The following CCAR2 variants were observed in gnomAD, a reference collection of about 807,000 sequenced individuals.
CCAR2 encodes cell cycle and apoptosis regulator protein 2.
A neutral mutation model predicts 108.1 loss-of-function variants in CCAR2; 21 were observed. That is an observed-to-expected ratio of 0.19 (90% CI 0.14 to 0.28). The LOEUF (loss-of-function observed/expected upper bound fraction) is 0.28. Ranked by LOEUF, CCAR2 falls within the 10% of genes least tolerant of loss-of-function variation. The pLI, the probability that CCAR2 is intolerant of heterozygous loss-of-function variation, is 1.00. For synonymous variants in CCAR2, 577 were observed against 472.8 expected (o/e 1.22, Z -2.86); for missense variants, 1,126 against 1,177.0 (o/e 0.96, Z 0.63).
chr8:22,616,304 A>G, intron 14 of CCAR2, 56 bp downstream of exon 14: 1 of 1,533,828 alleles, frequency 6.5e-7, no homozygotes, highest in African/African-American at 1.4e-5. Context: ...GCGCACCTTT[A>G]CCCCGGGCTC....
intron 1 of CCAR2, 113 bp downstream of exon 1, chr8:22,604,955 G>A (rs1801006607): frequency 2.9e-6 from 1 of 344,164 alleles, no homozygotes; most frequent in Non-Finnish European, 5.6e-6. Context: ...GGAAGGGGCC[G>A]AGCCCCTCTT....
chr8:22,621,480 C>A (rs757867694), downstream of CCAR2: 2 of 1,613,768 alleles, frequency 1.2e-6, no homozygotes, highest in Non-Finnish European at 8.5e-7. Context: ...CTCGTTCTCC[C>A]GCTCCCGCTG....
At chr8:22,606,463 C>T (rs1171016637) in intron 3 of CCAR2, 144 bp from the exon 4 acceptor site, 11 of 688,794 alleles carry the variant, frequency 1.6e-5, no homozygotes, top group Middle Eastern at 3.9e-4. Context: ...TGGAGTATGC[C>T]CACCACACCT....
rs147651545 is a variant in CCAR2 at position 22,615,903 on chromosome 8, C to T, written c.1599C>T (p.Ile533=). ...IVEDRRPKER[I]SFEVMVLAEL... is the part of the protein sequence containing the mutation. ...AGGATCGGAGGCCAAAGGAAAGGAT[C>T]TCTTTTGAGGCAGGTGTCAAGAGTC... is the stretch of plus-strand genomic sequence containing the variant. Residue 533 remains isoleucine (I), a synonymous_variant, in exon 13 of 21, where the codon ATC becomes ATT. Transcript: ENST00000308511. 6.2e-7 allele frequency: 1 copy of T among 1,614,030 alleles called. No individual in the cohort carries two copies. The highest frequency in any genetic ancestry group is 8.5e-7 in the Non-Finnish European group (1 of 1,180,012).
At position 22,618,384 on chromosome 8, in the gene CCAR2, A is replaced by T; in HGVS notation, c.2109A>T (p.Leu703Phe). The T allele has an allele frequency of 6.2e-7, 1 of 1,614,148 alleles. No homozygotes were observed. Among genetic ancestry groups the T allele is most frequent in the South Asian group, 1.1e-5 (1 of 91,082 alleles). The change falls in exon 17 of 21, where the codon TTA (leucine) becomes TTT (phenylalanine). Residue 703 changes from leucine to phenylalanine, a missense_variant. By Grantham distance (22) the Leu-to-Phe change is conservative. This residue lies in a region of CCAR2 where 1,013 missense variants were observed against 993.9 expected (regional missense o/e 1.02). Transcript: ENST00000308511. ...KELDPSAVLP[L>F]DCLLAFVFFD... is the part of the protein sequence containing the mutation. ...TGGATCCCTCTGCTGTGCTCCCCTT[A>T]GACTGTCTGCTTGCTTTTGTGTTCT...
In CCAR2 at chr8:22,616,866, C is replaced by CTTTTTTTTTTTTTTTTTTTTT. The variant is rs36086286; in HGVS notation, c.1846-544_1846-524dup. On this transcript the variant is annotated intron_variant, in intron 14 of 20. Coordinates refer to ENST00000308511, the MANE Select transcript of CCAR2 (RefSeq NM_001393997.1). ...AAACCTTTTCTAAAATACTAGTCTG[C>CTTTTTTTTTTTTTTTTTTTTT]TTTTTTTTTTTTTTTTTTTTTTTTT... Among the ~76,000 whole-genome samples, 2 of 54,716 alleles carry CTTTTTTTTTTTTTTTTTTTTT rather than the reference C, an allele frequency of 3.7e-5. 1 individual carries two copies. Among genetic ancestry groups the CTTTTTTTTTTTTTTTTTTTTT allele is most frequent in the East Asian group, 1.3e-3 (2 of 1,552 alleles). The allele number at this position is 54,716 out of a possible 152,430, so 35.9% of individuals were successfully genotyped here. A position where few individuals can be genotyped will look rare whatever the true frequency, so the allele number is the denominator to read the frequency against.
rs888277730 is a variant in CCAR2, at chr8:22,619,858, G to A, written c.*176G>A. 1.6e-6 allele frequency: 1 copy of A among 638,854 alleles called. No individual in the cohort carries two copies. Among genetic ancestry groups the A allele is most frequent in the Non-Finnish European group, 2.7e-6 (1 of 365,726 alleles). The allele number at this position is 638,854 out of a possible 1,614,324, so 39.6% of individuals were successfully genotyped here. A position where few individuals can be genotyped will look rare whatever the true frequency, so the allele number is the denominator to read the frequency against. ...CATCAGGCTGGGGGCTGTGCTATGT[G>A]GGATGGATGTGTGAGGAACCCCGGT... is the stretch of plus-strand genomic sequence containing the variant. On this transcript the variant is annotated 3_prime_UTR_variant, in exon 21 of 21. Transcript: ENST00000308511.
In CCAR2 at chr8:22,617,900, G is replaced by C. The variant is rs1003396238; in HGVS notation, c.2073+122G>C. 3.9e-6 allele frequency: 4 copies of C among 1,021,046 alleles called. No individual in the cohort carries two copies. The African/African-American group carries it at 6.4e-5, about 16-fold the overall frequency. The allele number at this position is 1,021,046 out of a possible 1,614,324, so 63.2% of individuals were successfully genotyped here. On this transcript the variant is annotated intron_variant, in intron 16 of 20. Transcript: ENST00000308511. ...CCTTTCTTGATGGACCCAACACACA[G>C]TGTGGTCCTTGGCTCATGGAAGGGC... is the stretch of plus-strand genomic sequence containing the variant.
At chr8:22,617,311 T>TA in intron 14 of CCAR2, 109 bp from the exon 15 acceptor site, 1 of 1,295,744 alleles carries the variant, frequency 7.7e-7, no homozygotes, top group East Asian at 2.4e-5. Flanking sequence ...TGTAGAGCCC[T>TA]CCATACAGTG....
At chr8:22,613,776 C>A (rs532218190) in intron 8 of CCAR2, 2 of 325,018 alleles carry the variant, frequency 6.2e-6, no homozygotes, top group East Asian at 1.3e-4. Context: ...TCTTAAGAAC[C>A]TATTGATGTC....
In CCAR2 at chr8:22,616,235, C is replaced by T. The variant is rs760205992; in HGVS notation, c.1832C>T (p.Ser611Leu). 14 of 1,612,596 alleles carry T rather than the reference C, an allele frequency of 8.7e-6. No individual in the cohort carries two copies. The Admixed American group carries it at 2.2e-4, about 25-fold the overall frequency. Reference protein sequence around the residue: ...EAQNEGPATESEAPLKEDGLL... With the variant: ...EAQNEGPATELEAPLKEDGLL... ...CAGAATGAGGGCCCGGCTACAGAGTCAGAGGCCCCGCTGGTGAGTACCCTG... is the reference window on the plus strand; with the variant it reads ...CAGAATGAGGGCCCGGCTACAGAGTTAGAGGCCCCGCTGGTGAGTACCCTG... Residue 611 changes from serine to leucine, a missense_variant, in exon 14 of 21, where the codon TCA (serine) becomes TTA (leucine). Physicochemically the swap from Ser to Leu is moderately radical, Grantham distance 145. Coordinates refer to ENST00000308511, the MANE Select transcript of CCAR2 (RefSeq NM_001393997.1).
intron 6 of CCAR2, 126 bp from the exon 7 acceptor site, chr8:22,607,843 C>T (rs1205629874): frequency 2.8e-6 from 2 of 715,854 alleles, no homozygotes; most frequent in South Asian, 1.8e-5. Context: ...CCAGGCTAGT[C>T]TTGAACTCCT....
chr8:22,617,816 G>C (rs1801586859), intron 16 of CCAR2, 38 bp downstream of exon 16: 2 of 1,603,564 alleles, frequency 1.2e-6, no homozygotes, highest in Admixed American at 1.7e-5. Context: ...TCTCAGTGGT[G>C]GTGAGGCTTG....
downstream of CCAR2, chr8:22,621,382 G>T (rs748885813): frequency 3.1e-6 from 5 of 1,591,402 alleles, no homozygotes; most frequent in Non-Finnish European, 4.3e-6. Flanking sequence ...GATGAATGAG[G>T]CTGACCACGT....
intron 6 of CCAR2, among the ~76,000 whole-genome samples, chr8:22,607,634 AT>A (rs1161802491): frequency 2.7e-5 from 4 of 150,676 alleles, no homozygotes; most frequent in African/African-American, 7.3e-5. Context: ...TGACCGGCTA[AT>A]TTTTTTTGAG....
chr8:22,621,256 A>G, downstream of CCAR2: 1 of 927,126 alleles, frequency 1.1e-6, no homozygotes, highest in Non-Finnish European at 1.6e-6. Flanking sequence ...CGGCCTGCCT[A>G]GGGCTCCTGG....
At position 22,619,983 on chromosome 8, in the gene CCAR2, C is replaced by A; in HGVS notation, c.*301C>A. 2.2e-6 allele frequency: 1 copy of A among 448,084 alleles called. No homozygotes were observed. The highest frequency in any genetic ancestry group is 3.5e-5 in the Admixed American group (1 of 28,410). 27.8% of individuals were successfully genotyped at this position (448,084 alleles called of 1,614,324 possible). A position where few individuals can be genotyped will look rare whatever the true frequency, so the allele number is the denominator to read the frequency against. ...TGGGGCCCTTTTAGTCTTGTGCTGA[C>A]TTTCTCCTGTCCTCTTCCAGTTTAG... On this transcript the variant is annotated 3_prime_UTR_variant, in exon 21 of 21. Coordinates refer to ENST00000308511, the MANE Select transcript of CCAR2 (RefSeq NM_001393997.1).
intron 1 of CCAR2, 46 bp downstream of exon 1, chr8:22,604,888 C>A: frequency 2.3e-6 from 1 of 428,072 alleles, no homozygotes; most frequent in Non-Finnish European, 4.7e-6. Flanking sequence ...TTCGCCCCTC[C>A]GCCCCTCCGC....
rs201513218 is a variant in CCAR2 at position 22,618,507 on chromosome 8, C to A, written c.2220+12C>A. 1.4e-5 allele frequency: 23 copies of A among 1,614,082 alleles called. No homozygotes were observed. Among genetic ancestry groups the A allele is most frequent in the African/African-American group, 2.7e-5 (2 of 74,930 alleles). ...TCAGTGCAGAGCAGGTACCTTCTTT[C>A]CTCTGCCCCAGCACATGGGCACAGG... On this transcript the variant is annotated intron_variant, in intron 17 of 20. Coordinates refer to ENST00000308511, the MANE Select transcript of CCAR2 (RefSeq NM_001393997.1).
Sources: allele counts gnomAD v4.1 joint callset (sites outside exome capture counted in the v4.1 genomes callset), GRCh38; gene constraint gnomAD v4.1.1; regional missense constraint gnomAD v4.1.1; transcripts MANE v1.5; gene names NCBI Gene and HGNC (gene_info 2026-07-23, HGNC 2026-07-21).